The following CFAP57 variants were observed in gnomAD, a reference collection of about 807,000 sequenced individuals.
CFAP57 encodes cilia- and flagella-associated protein 57.
Under a neutral mutation model 146.8 loss-of-function variants are expected in CFAP57, and 116 were observed. That is an observed-to-expected ratio of 0.79 (90% CI 0.68 to 0.92). The LOEUF (loss-of-function observed/expected upper bound fraction) is 0.92, where lower values mean the gene tolerates loss of function less well. CFAP57 is among the 40% of genes least tolerant of loss of function. The pLI is 0.00. For synonymous variants in CFAP57, 518 were observed against 552.8 expected (o/e 0.94, Z 0.88); for missense variants, 1,377 against 1,527.2 (o/e 0.90, Z 1.64).
chr1:43,204,849 CTTGG>C (rs1219837967), intron 9 of CFAP57, among the ~76,000 whole-genome samples: 5 of 152,096 alleles, frequency 3.3e-5, no homozygotes, highest in Admixed American at 2.0e-4. Flanking sequence ...AGGGTACAGC[CTTGG>C]GCATGCACAG....
intron 13 of CFAP57, 83 bp downstream of exon 13, chr1:43,219,620 T>TA: frequency 6.8e-7 from 1 of 1,461,224 alleles, no homozygotes; most frequent in Non-Finnish European, 9.3e-7. Flanking sequence ...CTGCCCAAGC[T>TA]ATGCTCAAAC....
intron 9 of CFAP57, among the ~76,000 whole-genome samples, chr1:43,203,175 A>T: frequency 6.6e-6 from 1 of 151,504 alleles, no homozygotes; most frequent in South Asian, 2.1e-4. Flanking sequence ...TCTGCCTCAA[A>T]ACAAAACAAA....
At position 43,234,447 on chromosome 1, in the gene CFAP57, C is replaced by T. The variant is rs563393543; in HGVS notation, c.3261+34C>T. The T allele has an allele frequency of 1.6e-5, 25 of 1,542,642 alleles. No homozygotes were observed. The South Asian group carries it at 3.0e-4, about 19-fold the overall frequency. On this transcript the variant is annotated intron_variant, in intron 20 of 22. Transcript: ENST00000372492. Reference sequence around the variant, plus strand: ...AGCCTCCCCTCCTGCCATGCACTGACCTCCGGGGTCTCCTCTCCCTCACTG... The same window carrying T: ...AGCCTCCCCTCCTGCCATGCACTGATCTCCGGGGTCTCCTCTCCCTCACTG...
rs955153470 is a variant in CFAP57, at chr1:43,229,651, G to T, written c.3009+2525G>T. On this transcript the variant is annotated intron_variant, in intron 18 of 22. Coordinates refer to ENST00000372492, the MANE Select transcript of CFAP57 (RefSeq NM_001378189.1). ...GATGATCCAAGGGTCCCTTTGCCCT[G>T]CCTAGGGGAGAGGTTTCCCGAGGCT... Among the ~76,000 whole-genome samples, 6 of 148,814 alleles carry T rather than the reference G, an allele frequency of 4.0e-5. No individual in the cohort carries two copies. In the South Asian group the frequency reaches 1.3e-3, roughly 33 times the overall value.
intron 5 of CFAP57, among the ~76,000 whole-genome samples, 193 bp from the exon 6 acceptor site, chr1:43,186,514 G>A (rs1976286): frequency 0.18 from 27,135 of 150,664 alleles, 3,525 homozygotes; most frequent in African/African-American, 0.35. Flanking sequence ...GGGAGGCTGA[G>A]GCAGGAGAAT....
At position 43,183,684 on chromosome 1, in the gene CFAP57, A is replaced by G; in HGVS notation, c.568A>G (p.Thr190Ala). ...LRFAEGTLKQ[T>A]SFQRGEPQNY... is the part of the protein sequence containing the mutation. ...TTTTGCTGAGGGAACCCTGAAGCAAACCAGCTTTCAGAGGGGAGAACCCCA... is the reference window on the plus strand; with the variant it reads ...TTTTGCTGAGGGAACCCTGAAGCAAGCCAGCTTTCAGAGGGGAGAACCCCA... Residue 190 changes from threonine (T) to alanine (A), a missense_variant, in exon 4 of 23, where the codon ACC (threonine) becomes GCC (alanine). Thr to Ala is a moderately conservative substitution (Grantham distance 58). Transcript: ENST00000372492. 1 of 1,614,216 alleles carries G rather than the reference A, an allele frequency of 6.2e-7. No homozygotes were observed. The highest frequency in any genetic ancestry group is 8.5e-7 in the Non-Finnish European group (1 of 1,180,050).
chr1:43,222,363 A>G, intron 15 of CFAP57, 68 bp downstream of exon 15: 1 of 1,296,562 alleles, frequency 7.7e-7, no homozygotes, highest in Non-Finnish European at 1.0e-6. Flanking sequence ...TCAGATCTCC[A>G]TGGCATAGCC....
Position 43,185,134 on chromosome 1 carries a change from T to G in CFAP57, c.762-15T>G. 6.2e-7 allele frequency: 1 copy of G among 1,612,782 alleles called. No homozygotes were observed. The highest frequency in any genetic ancestry group is 8.5e-7 in the Non-Finnish European group (1 of 1,179,108). ...TTGTCTCTATAAATTATGTATGCTG[T>G]TTTTTTGTTTCCAGCCTGATTGAAT... On this transcript the variant is annotated splice_polypyrimidine_tract_variant and intron_variant, in intron 4 of 22. Transcript: ENST00000372492.
At chr1:43,196,746 C>T (rs557550896) in intron 6 of CFAP57, among the ~76,000 whole-genome samples, 1 of 152,292 alleles carries the variant, frequency 6.6e-6, no homozygotes, top group South Asian at 2.1e-4. Flanking sequence ...TAAAATCATC[C>T]ATCCAACTCT....
In CFAP57 at chr1:43,254,009, A is replaced by G. The variant is rs1209302065; in HGVS notation, c.3571A>G (p.Thr1191Ala). 6.4e-7 allele frequency: 1 copy of G among 1,550,456 alleles called. No individual in the cohort carries two copies. The change falls in exon 23 of 23, where the codon ACC becomes GCC. Residue 1191 changes from threonine to alanine, a missense_variant. Thr to Ala is a moderately conservative substitution (Grantham distance 58, BLOSUM62 0). Coordinates refer to ENST00000372492, the MANE Select transcript of CFAP57 (RefSeq NM_001378189.1). ...CAGGGACATGCTCAGCACAGCTCCCACCGCAAGGTTGAATGAGCAAGAAGA... is the reference window on the plus strand; with the variant it reads ...CAGGGACATGCTCAGCACAGCTCCCGCCGCAAGGTTGAATGAGCAAGAAGA... ...PSRDMLSTAP[T>A]ARLNEQEETG...
At chr1:43,184,001 C>A in intron 4 of CFAP57, 124 bp downstream of exon 4, 1 of 1,149,262 alleles carries the variant, frequency 8.7e-7, no homozygotes, top group Admixed American at 2.1e-5. Flanking sequence ...GCCCATTTTC[C>A]CTCTTCCTCT....
At chr1:43,205,412 G>A (rs1291292830) in intron 9 of CFAP57, among the ~76,000 whole-genome samples, 3 of 152,198 alleles carry the variant, frequency 2.0e-5, no homozygotes, top group South Asian at 2.1e-4. Flanking sequence ...GAGCTGGGGC[G>A]GGGACCTGCT....
chr1:43,204,091 G>A (rs1644250501), intron 9 of CFAP57, among the ~76,000 whole-genome samples: 1 of 152,110 alleles, frequency 6.6e-6, no homozygotes, highest in Non-Finnish European at 1.5e-5. Context: ...TTTCAAGTTT[G>A]CCAGCTCAAA....
chr1:43,224,650 G>A (rs902915907), intron 17 of CFAP57, among the ~76,000 whole-genome samples: 5 of 152,220 alleles, frequency 3.3e-5, no homozygotes, highest in Non-Finnish European at 7.3e-5. Context: ...CCCTGTCCAG[G>A]AGGCTGCCTC....
At chr1:43,227,440 C>G (rs940056829) in intron 18 of CFAP57, among the ~76,000 whole-genome samples, 2 of 152,308 alleles carry the variant, frequency 1.3e-5, no homozygotes, top group East Asian at 3.9e-4. Context: ...CATTTGGCCA[C>G]CAGAGGGCAG....
intron 2 of CFAP57, among the ~76,000 whole-genome samples, chr1:43,179,486 C>G (rs1034330093): frequency 2.6e-4 from 39 of 152,262 alleles, no homozygotes; most frequent in African/African-American, 8.4e-4. Flanking sequence ...TCCAGGAGCT[C>G]TCAGTATTGT....
Position 43,215,424 on chromosome 1 carries a change from C to A in CFAP57, c.2091+8C>A. 1 of 1,549,698 alleles carries A rather than the reference C, an allele frequency of 6.5e-7. No homozygotes were observed. Among genetic ancestry groups the A allele is most frequent in the Non-Finnish European group, 8.7e-7 (1 of 1,146,340 alleles). On this transcript the variant is annotated splice_region_variant and intron_variant, in intron 12 of 22. Coordinates refer to ENST00000372492, the MANE Select transcript of CFAP57 (RefSeq NM_001378189.1). ...ACAGACATGGAAGAAAAGGTAAGAACTGGATCTAATGAAGAGGGATATGGA... is the reference window on the plus strand; with the variant it reads ...ACAGACATGGAAGAAAAGGTAAGAAATGGATCTAATGAAGAGGGATATGGA...
rs142849148 is a variant in CFAP57, at chr1:43,181,751, G to A, written c.375G>A (p.Gln125=). ...FSPDSKYLLA[Q]TSPPESNLVY... ...CAGACTCCAAATACCTATTGGCTCA[G>A]ACGTCACCTCCAGAGTCAAATCTTG... The change falls in exon 3 of 23, where the codon CAG becomes CAA. Residue 125 remains glutamine, a synonymous_variant. Coordinates refer to ENST00000372492, the MANE Select transcript of CFAP57 (RefSeq NM_001378189.1). 3.1e-6 allele frequency: 5 copies of A among 1,614,138 alleles called. No homozygotes were observed. The Admixed American group carries it at 8.3e-5, about 27-fold the overall frequency.
chr1:43,206,969 C>G, intron 10 of CFAP57, 37 bp downstream of exon 10: 1 of 1,597,720 alleles, frequency 6.3e-7, no homozygotes, highest in Admixed American at 1.7e-5. Context: ...GGCTGGTGCA[C>G]GGATCTGCAG....
Sources: allele counts gnomAD v4.1 joint callset (sites outside exome capture counted in the v4.1 genomes callset), GRCh38; gene constraint gnomAD v4.1.1; transcripts MANE v1.5; gene names NCBI Gene and HGNC (gene_info 2026-07-23, HGNC 2026-07-21).